SCFD2: variants seen among roughly 807,000 people sequenced by gnomAD.
The protein encoded by SCFD2 is sec1 family domain-containing protein 2.
In SCFD2, 54 loss-of-function variants were observed where a neutral mutation model predicts 58.9. That is an observed-to-expected ratio of 0.92 (90% CI 0.74 to 1.15). SCFD2 has a LOEUF of 1.15. Among genes scored for constraint, SCFD2 ranks in the 50% most tolerant of loss-of-function variants. The pLI, the probability that SCFD2 is intolerant of heterozygous loss-of-function variation, is 0.00. For missense variants in SCFD2, 805 were observed against 836.6 expected (o/e 0.96, Z 0.47); for synonymous variants, 321 against 335.9 (o/e 0.96, Z 0.49).
chr4:53,102,192 G>A (rs1724850316), intron 5 of SCFD2, among the ~76,000 whole-genome samples: 1 of 152,122 alleles, frequency 6.6e-6, no homozygotes, highest in African/African-American at 2.4e-5. Context: ...GTGCTGTTGG[G>A]ACAATTGGAA....
At chr4:52,943,184 C>T (rs547837986) in intron 5 of SCFD2, among the ~76,000 whole-genome samples, 11 of 152,240 alleles carry the variant, frequency 7.2e-5, no homozygotes, top group African/African-American at 2.6e-4. Context: ...GAATTCCAAA[C>T]ATCCCATATT....
chr4:53,187,076 A>G (rs1233013493), intron 4 of SCFD2, among the ~76,000 whole-genome samples: 3 of 152,102 alleles, frequency 2.0e-5, no homozygotes, highest in African/African-American at 7.2e-5. Context: ...AGAAAAAAAA[A>G]TTACTGTCAT....
chr4:52,888,446 T>G (rs923424307), intron 7 of SCFD2, among the ~76,000 whole-genome samples: 1 of 152,146 alleles, frequency 6.6e-6, no homozygotes, highest in Non-Finnish European at 1.5e-5. Context: ...CCCGACCAAT[T>G]TGTCAACTGC....
intron 5 of SCFD2, among the ~76,000 whole-genome samples, chr4:53,088,959 T>A (rs138108151): frequency 4.6e-5 from 7 of 152,274 alleles, no homozygotes; most frequent in Admixed American, 6.5e-5. Context: ...AGAGTCCTTA[T>A]GAATGGAATT....
At chr4:53,069,087 A>C (rs1723742983) in intron 5 of SCFD2, among the ~76,000 whole-genome samples, 1 of 152,106 alleles carries the variant, frequency 6.6e-6, no homozygotes, top group Non-Finnish European at 1.5e-5. Flanking sequence ...CAGTATGCAC[A>C]GAGAGGCATA....
At chr4:52,886,327 G>A (rs1252629200) in intron 7 of SCFD2, among the ~76,000 whole-genome samples, 1 of 152,148 alleles carries the variant, frequency 6.6e-6, no homozygotes, top group East Asian at 1.9e-4. Context: ...ACTTCGGTTG[G>A]GGGACCACCC....
At chr4:52,993,361 C>T (rs1721666509) in intron 5 of SCFD2, among the ~76,000 whole-genome samples, 1 of 152,002 alleles carries the variant, frequency 6.6e-6, no homozygotes, top group Non-Finnish European at 1.5e-5. Flanking sequence ...CCAAATCCCC[C>T]TCTCGGAGAA....
intron 5 of SCFD2, among the ~76,000 whole-genome samples, chr4:53,122,603 C>T (rs1725512235): frequency 6.6e-6 from 1 of 152,190 alleles, no homozygotes; most frequent in African/African-American, 2.4e-5. Flanking sequence ...GTAGGCAATA[C>T]ACGCAGACAT....
Position 53,351,739 on chromosome 4 carries a change from T to C in SCFD2, c.1007+859A>G, listed in dbSNP as rs577990500. On this transcript the variant is annotated intron_variant, in intron 2 of 8. Coordinates refer to ENST00000401642, the MANE Select transcript of SCFD2 (RefSeq NM_152540.4). ...AGAACTTCCCATTTTCTTCCCACAT[T>C]GACCCACAAACATTGGGTATCCAAT... Among the ~76,000 whole-genome samples the C allele has an allele frequency of 1.1e-4, 17 of 152,300 alleles. No individual in the cohort carries two copies. In the East Asian group the frequency reaches 3.3e-3, roughly 29 times the overall value.
At chr4:53,228,906 G>C (rs1480252480) in intron 4 of SCFD2, among the ~76,000 whole-genome samples, 1 of 152,142 alleles carries the variant, frequency 6.6e-6, no homozygotes, top group Non-Finnish European at 1.5e-5. Flanking sequence ...TCAGCTGATA[G>C]GCAACTTCAG....
At chr4:53,185,970 G>A (rs982576635) in intron 4 of SCFD2, among the ~76,000 whole-genome samples, 2 of 152,088 alleles carry the variant, frequency 1.3e-5, no homozygotes, top group African/African-American at 2.4e-5. Context: ...GGGATATTCT[G>A]CTTCGTAAGT....
At chr4:53,224,384 G>A (rs1453474221) in intron 4 of SCFD2, among the ~76,000 whole-genome samples, 5 of 82,556 alleles carry the variant, frequency 6.1e-5, no homozygotes, top group South Asian at 5.3e-4. Context: ...GCAAGACTCC[G>A]TCTCAAAAAA....
chr4:53,185,700 A>T (rs1268825696), intron 4 of SCFD2, among the ~76,000 whole-genome samples: 4 of 152,164 alleles, frequency 2.6e-5, no homozygotes, highest in Non-Finnish European at 4.4e-5. Flanking sequence ...CACTGTTTGA[A>T]GATATTTAAA....
intron 5 of SCFD2, among the ~76,000 whole-genome samples, chr4:53,077,256 T>C (rs1043038850): frequency 6.6e-6 from 1 of 152,198 alleles, no homozygotes. Context: ...GTGCTTGTGT[T>C]TTATGGGTCA....
At position 52,914,307 on chromosome 4, in the gene SCFD2, T is replaced by C. The variant is rs193194829; in HGVS notation, c.1707+6418A>G. 2.9e-3 allele frequency among the ~76,000 whole-genome samples: 438 copies of C among 152,240 alleles called. 3 individuals are homozygous for C. The highest frequency in any genetic ancestry group is 0.01 in the African/African-American group (420 of 41,484). ...GATTCTTGAATAATAACTGGACTTG[T>C]CCCTTGGAGGAGTGCTGGAAGCTAT... On this transcript the variant is annotated intron_variant, in intron 6 of 8. Transcript: ENST00000401642.
intron 5 of SCFD2, among the ~76,000 whole-genome samples, chr4:52,926,164 T>C (rs906078680): frequency 6.6e-6 from 1 of 152,070 alleles, no homozygotes; most frequent in Non-Finnish European, 1.5e-5. Context: ...GCTCTACTCC[T>C]TACTCCAGTC....
At chr4:53,191,346 G>A (rs1727886290) in intron 4 of SCFD2, among the ~76,000 whole-genome samples, 1 of 152,024 alleles carries the variant, frequency 6.6e-6, no homozygotes, top group African/African-American at 2.4e-5. Context: ...TAACATTTGA[G>A]TGATATTCAT....
intron 4 of SCFD2, among the ~76,000 whole-genome samples, chr4:53,255,114 G>C (rs1212060988): frequency 6.6e-6 from 1 of 150,900 alleles, no homozygotes; most frequent in African/African-American, 2.4e-5. Flanking sequence ...CTCGTGATCT[G>C]CCCGCCTTGG....
chr4:53,341,876 G>C (rs1383387228), intron 2 of SCFD2, among the ~76,000 whole-genome samples: 3 of 152,168 alleles, frequency 2.0e-5, no homozygotes, highest in South Asian at 4.1e-4. Context: ...AAGTGAAGGA[G>C]AAATAAAATC....
Sources: gnomAD v4.1 joint callset for allele counts (sites outside exome capture counted in the v4.1 genomes callset) on GRCh38, gnomAD v4.1.1 for gene constraint, MANE v1.5 for transcripts, NCBI Gene and HGNC (gene_info 2026-07-23, HGNC 2026-07-21) for gene names.